The following PDZD2 variants were observed in gnomAD, a reference collection of about 807,000 sequenced individuals.
The protein encoded by PDZD2 is PDZ domain containing 2.
In PDZD2, 90 loss-of-function variants were observed where a neutral mutation model predicts 220.7. The observed-to-expected ratio is 0.41, with a 90% CI of 0.34 to 0.49. PDZD2 has a LOEUF of 0.49. Ranked by LOEUF, PDZD2 falls within the 20% of genes least tolerant of loss-of-function variation. PDZD2 has a pLI of 0.28. For missense variants in PDZD2, 3,174 were observed against 3,608.5 expected (o/e 0.88, Z 3.08); for synonymous variants, 1,375 against 1,450.5 (o/e 0.95, Z 1.18).
intron 1 of PDZD2, among the ~76,000 whole-genome samples, chr5:31,648,820 C>T (rs1299278629): frequency 2.0e-5 from 3 of 152,232 alleles, no homozygotes; most frequent in African/African-American, 7.2e-5. Context: ...TTGTTACAGT[C>T]GATGAACCTG....
intron 1 of PDZD2, among the ~76,000 whole-genome samples, chr5:31,696,953 C>T (rs767463918): frequency 6.6e-6 from 1 of 152,160 alleles, no homozygotes; most frequent in Non-Finnish European, 1.5e-5. Context: ...CTCCTTGAAT[C>T]CCAGGCCACA....
intron 16 of PDZD2, 40 bp downstream of exon 16, chr5:32,071,458 A>G: frequency 1.3e-6 from 2 of 1,512,832 alleles, no homozygotes; most frequent in Non-Finnish European, 1.8e-6. Flanking sequence ...CCTCAGCTGG[A>G]CCACAAACTA....
At chr5:31,951,046 A>G (rs1377886816) in intron 2 of PDZD2, among the ~76,000 whole-genome samples, 1 of 151,920 alleles carries the variant, frequency 6.6e-6, no homozygotes, top group African/African-American at 2.4e-5. Flanking sequence ...GGGGCAGATA[A>G]GCTCCCTCAG....
intron 2 of PDZD2, among the ~76,000 whole-genome samples, chr5:31,826,282 G>A (rs185515928): frequency 5.9e-5 from 9 of 152,218 alleles, no homozygotes; most frequent in Admixed American, 2.0e-4. Flanking sequence ...ATGCCACCGT[G>A]GTGGGGAGGG....
intron 2 of PDZD2, among the ~76,000 whole-genome samples, chr5:31,850,632 T>C (rs999471744): frequency 7.0e-6 from 1 of 143,858 alleles, no homozygotes; most frequent in Non-Finnish European, 1.5e-5. Flanking sequence ...TGTACCCAAA[T>C]TCTTTTTTTT....
chr5:31,989,426 T>TTTTTTTTTTTTTATTTTTTTTTTTA (rs1751024095), intron 3 of PDZD2, among the ~76,000 whole-genome samples: 1 of 146,390 alleles, frequency 6.8e-6, no homozygotes, highest in African/African-American at 2.6e-5. Context: ...CTTTTCTTTT[T>TTTTTTTTTTTTTATTTTTTTTTTTA]TTTTTTTTTT....
At chr5:31,847,680 C>G (rs748475907) in intron 2 of PDZD2, 231 of 607,544 alleles carry the variant, frequency 3.8e-4, no homozygotes, top group Non-Finnish European at 6.4e-4. Flanking sequence ...ATGGCCAGCC[C>G]GGTGCCTTTA....
chr5:32,048,573 T>C lies in PDZD2; in HGVS notation c.1554T>C (p.Tyr518=). 6.2e-7 allele frequency: 1 copy of C among 1,614,002 alleles called. No homozygotes were observed. Residue 518 remains tyrosine (Y), a synonymous_variant, in exon 8 of 25, where the codon TAT becomes TAC. Coordinates refer to ENST00000438447, the MANE Select transcript of PDZD2 (RefSeq NM_178140.4). ...ACCGCCTTGAGTCAGTTGAAGAATA[T>C]AACGAGCTGATGGTGCGGAATGGGG... ...GVHRLESVEE[Y]NELMVRNGDP... is the part of the protein sequence containing the mutation.
At chr5:31,652,243 T>A (rs1745381950) in intron 1 of PDZD2, among the ~76,000 whole-genome samples, 4 of 152,162 alleles carry the variant, frequency 2.6e-5, no homozygotes, top group African/African-American at 9.7e-5. Flanking sequence ...TCCTTCCGCC[T>A]TGGCTTCCCA....
intron 1 of PDZD2, chr5:31,743,876 T>A (rs1189446854): frequency 6.6e-6 from 1 of 152,208 alleles, no homozygotes; most frequent in Non-Finnish European, 1.5e-5. Context: ...AGACAATGAC[T>A]GTGCATTTTG....
intron 15 of PDZD2, among the ~76,000 whole-genome samples, chr5:32,070,085 G>A (rs1396466313): frequency 3.9e-5 from 6 of 152,088 alleles, no homozygotes; most frequent in Non-Finnish European, 8.8e-5. Context: ...TCATGATTTC[G>A]CTCAAGTGGA....
At chr5:31,958,085 C>T (rs971548091) in intron 2 of PDZD2, among the ~76,000 whole-genome samples, 8 of 152,034 alleles carry the variant, frequency 5.3e-5, no homozygotes, top group African/African-American at 1.9e-4. Context: ...TGTCATAACA[C>T]ATAGGTAATT....
Position 31,733,721 on chromosome 5 carries a change from C to T in PDZD2, c.-360-65168C>T, listed in dbSNP as rs1255268257. On this transcript the variant is annotated intron_variant, in intron 1 of 24. Transcript: ENST00000438447. ...TCAGAAAAGTCGCGATTCCTGGTGA[C>T]AGTATATGCAGATCCAGCTGTGTTG... Among the ~76,000 whole-genome samples, 6 of 152,176 alleles carry T rather than the reference C, an allele frequency of 3.9e-5. No individual in the cohort carries two copies. The East Asian group carries it at 7.7e-4, about 20-fold the overall frequency.
At chr5:31,962,641 G>T (rs112649523) in intron 2 of PDZD2, among the ~76,000 whole-genome samples, 9 of 152,286 alleles carry the variant, frequency 5.9e-5, no homozygotes, top group African/African-American at 2.2e-4. Flanking sequence ...GCTGCCACCC[G>T]CATAAAGCTC....
chr5:31,801,044 G>T (rs1196855057), intron 2 of PDZD2, among the ~76,000 whole-genome samples: 2 of 152,212 alleles, frequency 1.3e-5, no homozygotes, highest in African/African-American at 2.4e-5. Context: ...ATGTGTCAGT[G>T]CCCTGGTGCA....
In PDZD2 at chr5:32,053,847, A is replaced by G; in HGVS notation, c.1864A>G (p.Asn622Asp). The G allele has an allele frequency of 1.9e-6, 3 of 1,611,928 alleles. No individual in the cohort carries two copies. The highest frequency in any genetic ancestry group is 2.5e-6 in the Non-Finnish European group (3 of 1,177,982). Residue 622 changes from asparagine (N) to aspartate (D), a missense_variant, in exon 10 of 25, where the codon AAT (asparagine) becomes GAT (aspartate). Asn to Asp is a conservative substitution (Grantham distance 23). This residue lies in a region of PDZD2 where 50 missense variants were observed against 109.5 expected (regional missense o/e 0.46). Transcript: ENST00000438447. ...MGIFVKTIFPNGSAAEDGRLK... is the reference protein window; with the variant it reads ...MGIFVKTIFPDGSAAEDGRLK... ...GATTTTTGTCAAGACCATCTTCCCA[A>G]ATGGATCAGCTGCAGAGGACGGAAG...
rs576289553 is a variant in PDZD2, at chr5:31,854,670, C to G, written c.476+54946C>G. Among the ~76,000 whole-genome samples the G allele has an allele frequency of 1.4e-3, 212 of 152,254 alleles. 1 individual carries two copies. Among genetic ancestry groups the G allele is most frequent in the South Asian group, 8.1e-3 (39 of 4,826 alleles). ...TAGGGTAGGGCGCTTTTTCCTCTAA[C>G]CTGCTCCAGGTTTGCCCCAGGAAGC... On this transcript the variant is annotated intron_variant, in intron 2 of 24. Coordinates refer to ENST00000438447, the MANE Select transcript of PDZD2 (RefSeq NM_178140.4).
chr5:32,032,928 G>C (rs1755238139), intron 6 of PDZD2, among the ~76,000 whole-genome samples: 1 of 152,204 alleles, frequency 6.6e-6, no homozygotes, highest in African/African-American at 2.4e-5. Context: ...TCTTCATTGA[G>C]TGCTGTGTAT....
At position 31,846,119 on chromosome 5, in the gene PDZD2, TTTTG is replaced by T. The variant is rs533064622; in HGVS notation, c.476+46404_476+46407del. On this transcript the variant is annotated intron_variant, in intron 2 of 24. Transcript: ENST00000438447. The stretch of plus-strand genomic sequence containing the variant: ...CTGTGGTGGCTTTGGGTTTGAAGCA[TTTTG>T]TTTGTTTGGTTGGTTGGTTTTTTTC... Among the ~76,000 whole-genome samples the T allele has an allele frequency of 7.2e-4, 110 of 152,064 alleles. 3 individuals carry two copies. The highest frequency in any genetic ancestry group is 2.4e-4 in the Non-Finnish European group (16 of 67,990).
Sources: allele counts gnomAD v4.1 joint callset (sites outside exome capture counted in the v4.1 genomes callset), GRCh38; gene constraint gnomAD v4.1.1; regional missense constraint gnomAD v4.1.1; transcripts MANE v1.5; gene names NCBI Gene and HGNC (gene_info 2026-07-23, HGNC 2026-07-21).